The following ABHD18 variants were observed in gnomAD, a reference collection of about 807,000 sequenced individuals.
ABHD18 encodes cardiolipin-specific deacylase, mitochondrial.
ABHD18 carries 55 observed loss-of-function variants against 65.9 expected under a neutral mutation model. The ratio of observed to expected loss-of-function variants is 0.84; its 90% CI spans 0.67 to 1.05. ABHD18 has a LOEUF of 1.05. ABHD18 is among the 50% of genes least tolerant of loss of function. The probability of loss-of-function intolerance (pLI) is 0.00; values close to 1 mark genes in which losing one functional copy is unlikely to be tolerated. For synonymous variants in ABHD18, 181 were observed against 180.2 expected (o/e 1.00, Z -0.04); for missense variants, 533 against 558.5 (o/e 0.95, Z 0.46).
Position 128,034,682 on chromosome 4 carries a change from G to A in ABHD18, c.1344-1080G>A, listed in dbSNP as rs113783718. On this transcript the variant is annotated intron_variant, in intron 12 of 12. Transcript: ENST00000645843. Reference sequence around the variant, plus strand: ...TCTTTTTTTTTTGAAACAGAGTTTCGCTCTTGTTGCCCAGGTTGGAGTGCA... The same window carrying A: ...TCTTTTTTTTTTGAAACAGAGTTTCACTCTTGTTGCCCAGGTTGGAGTGCA... Among the ~76,000 whole-genome samples, 380 of 150,776 alleles carry A rather than the reference G, an allele frequency of 2.5e-3. 4 individuals carry two copies. The highest frequency in any genetic ancestry group is 8.2e-3 in the African/African-American group (335 of 41,020).
chr4:128,032,108 G>A (rs1394663873), intron 12 of ABHD18, among the ~76,000 whole-genome samples: 1 of 152,136 alleles, frequency 6.6e-6, no homozygotes, highest in Non-Finnish European at 1.5e-5. Flanking sequence ...TATAATCAAA[G>A]TCAAATATAA....
At chr4:128,019,494 C>T (rs908395190) in intron 8 of ABHD18, among the ~76,000 whole-genome samples, 4 of 152,212 alleles carry the variant, frequency 2.6e-5, no homozygotes, top group Admixed American at 2.6e-4. Flanking sequence ...TTTCATTCCT[C>T]TAGAAGACTC....
rs1314410383 is a variant in ABHD18, at chr4:128,037,993, CTG to C, written c.*2183_*2184del. On this transcript the variant is annotated 3_prime_UTR_variant, in exon 13 of 13. Coordinates refer to ENST00000645843, the MANE Select transcript of ABHD18 (RefSeq NM_001358451.3). ...GAGTTTTGTTTGAAATCTGTGTTGTCTGTGAATTATTTTTAAATAGGGATTCT... is the reference window on the plus strand; with the variant it reads ...GAGTTTTGTTTGAAATCTGTGTTGTCTGAATTATTTTTAAATAGGGATTCT... 1.3e-5 allele frequency: 2 copies of C among 152,020 alleles called. No individual in the cohort carries two copies. The highest frequency in any genetic ancestry group is 2.1e-4 in the South Asian group (1 of 4,836). 9.4% of individuals were successfully genotyped at this position (152,020 alleles called of 1,614,324 possible). A position where few individuals can be genotyped will look rare whatever the true frequency, so the allele number is the denominator to read the frequency against.
At position 128,017,390 on chromosome 4, in the gene ABHD18, C is replaced by T. The variant is rs781096548; in HGVS notation, c.498C>T (p.Asp166=). The change falls in exon 8 of 13, where the codon GAC becomes GAT. Residue 166 remains aspartate (D), a synonymous_variant. Coordinates refer to ENST00000645843, the MANE Select transcript of ABHD18 (RefSeq NM_001358451.3). ...GGTCCAGCTTAAAAAATGTGTCCGA[C>T]CTTTTTGTGATGGGAGGAGCTCTTG... ...QVRSSLKNVS[D]LFVMGGALVL... 3.1e-6 allele frequency: 5 copies of T among 1,613,782 alleles called. No individual in the cohort carries two copies. The South Asian group carries it at 5.5e-5, about 18-fold the overall frequency.
Position 127,989,751 on chromosome 4 carries a change from G to T in ABHD18, c.208G>T (p.Asp70Tyr). ...AGAGCAATCAGATTGTAAGATCTTA[G>T]ATGGACACTTTGTTTCCCCCATGGC... ...IEEQSDCKILDGHFVSPMAHY... is the reference protein window; with the variant it reads ...IEEQSDCKILYGHFVSPMAHY... Residue 70 changes from aspartate (D) to tyrosine (Y), a missense_variant, in exon 4 of 13, where the codon GAT becomes TAT. Asp to Tyr is a radical substitution (Grantham distance 160). Coordinates refer to ENST00000645843, the MANE Select transcript of ABHD18 (RefSeq NM_001358451.3). 6.2e-7 allele frequency: 1 copy of T among 1,601,138 alleles called. No individual in the cohort carries two copies. Among genetic ancestry groups the T allele is most frequent in the South Asian group, 1.1e-5 (1 of 88,276 alleles).
At chr4:127,977,004 G>A (rs1748054886) in intron 1 of ABHD18, among the ~76,000 whole-genome samples, 1 of 151,796 alleles carries the variant, frequency 6.6e-6, no homozygotes, top group Admixed American at 6.6e-5. Flanking sequence ...TCGTGCTACT[G>A]CACTCCAGCC....
chr4:128,026,342 C>T (rs1447271587), intron 10 of ABHD18, among the ~76,000 whole-genome samples: 5 of 151,770 alleles, frequency 3.3e-5, no homozygotes, highest in Non-Finnish European at 7.4e-5. Context: ...GCCTGTAGTC[C>T]CAGCTACTCA....
chr4:128,003,324 C>T (rs940980448), intron 4 of ABHD18, among the ~76,000 whole-genome samples: 8 of 150,618 alleles, frequency 5.3e-5, no homozygotes, highest in East Asian at 2.0e-4. Context: ...GCCGAGATCG[C>T]GCCACTGTAC....
At chr4:128,028,420 C>A in intron 10 of ABHD18, 55 bp from the exon 11 acceptor site, 1 of 1,265,044 alleles carries the variant, frequency 7.9e-7, no homozygotes, top group Non-Finnish European at 1.0e-6. Flanking sequence ...TTTGACAAAG[C>A]TGTTAATACC....
At chr4:127,999,426 A>T (rs761042954) in intron 4 of ABHD18, among the ~76,000 whole-genome samples, 17 of 152,200 alleles carry the variant, frequency 1.1e-4, no homozygotes, top group Non-Finnish European at 2.4e-4. Flanking sequence ...AAACAAAACA[A>T]TGACAACATA....
chr4:128,033,592 G>A (rs961033471), intron 12 of ABHD18, among the ~76,000 whole-genome samples: 4 of 147,802 alleles, frequency 2.7e-5, no homozygotes, highest in Non-Finnish European at 4.4e-5. Flanking sequence ...CTGGAGTGCG[G>A]TGGCATGATC....
Position 128,031,512 on chromosome 4 carries a change from TC to T in ABHD18, c.1343+841del, listed in dbSNP as rs1226057615. 2.0e-5 allele frequency among the ~76,000 whole-genome samples: 3 copies of T among 152,318 alleles called. No homozygotes were observed. The East Asian group carries it at 5.8e-4, about 29-fold the overall frequency. On this transcript the variant is annotated intron_variant, in intron 12 of 12. Transcript: ENST00000645843. ...TGCTAAAACTATAATTTTCTGGTAT[TC>T]TGCATTATTGAAACATATTCCTCAT...
chr4:128,001,666 A>G, intron 4 of ABHD18: 1 of 1,518,980 alleles, frequency 6.6e-7, no homozygotes, highest in South Asian at 1.3e-5. Context: ...GTTCAAAATA[A>G]CTTCCTTCAG....
intron 4 of ABHD18, among the ~76,000 whole-genome samples, chr4:127,994,291 A>C (rs555621629): frequency 6.6e-6 from 1 of 152,318 alleles, no homozygotes; most frequent in East Asian, 1.9e-4. Context: ...ATGAATTATA[A>C]TATTTTAAAA....
Position 128,001,841 on chromosome 4 carries a change from G to T in ABHD18, c.279-7079G>T, listed in dbSNP as rs201351513. ...GTGGTTAGATGTTGAGTTTTGTTTT[G>T]TTTTGTTTTTTTTTTTAATTCCTTG... On this transcript the variant is annotated intron_variant, in intron 4 of 12. Transcript: ENST00000645843. 1.1e-3 allele frequency: 1,305 copies of T among 1,242,094 alleles called. 7 individuals carry two copies. The East Asian group carries it at 0.012, about 11-fold the overall frequency. 76.9% of individuals were successfully genotyped at this position (1,242,094 alleles called of 1,614,324 possible). A position where few individuals can be genotyped will look rare whatever the true frequency, so the allele number is the denominator to read the frequency against.
chr4:127,987,788 G>A (rs188661406), intron 3 of ABHD18, among the ~76,000 whole-genome samples: 7 of 149,580 alleles, frequency 4.7e-5, no homozygotes, highest in Admixed American at 1.3e-4. Flanking sequence ...AAATTGGAAC[G>A]TTTTTTTGGA....
rs78751363 is a variant in ABHD18 at position 127,989,150 on chromosome 4, G to A, written c.178-571G>A. ...CATGGGTGGAACTGAAGGACATCGC[G>A]TTAAGTAAAATAAGCCAGGCACAGA... On this transcript the variant is annotated intron_variant, in intron 3 of 12. Coordinates refer to ENST00000645843, the MANE Select transcript of ABHD18 (RefSeq NM_001358451.3). Among the ~76,000 whole-genome samples the A allele has an allele frequency of 6.3e-3, 954 of 152,274 alleles. 18 individuals carry two copies. Among genetic ancestry groups the A allele is most frequent in the African/African-American group, 0.022 (897 of 41,544 alleles).
intron 2 of ABHD18, among the ~76,000 whole-genome samples, chr4:127,984,044 A>C (rs76804977): frequency 1.0e-5 from 1 of 95,592 alleles, no homozygotes; most frequent in Non-Finnish European, 2.5e-5. Context: ...CTCAAGGGGG[A>C]AAAAAAAAAA....
At chr4:127,999,552 G>C (rs1353549998) in intron 4 of ABHD18, among the ~76,000 whole-genome samples, 1 of 152,124 alleles carries the variant, frequency 6.6e-6, no homozygotes, top group Non-Finnish European at 1.5e-5. Context: ...TACCTATCAG[G>C]TACTATGCTC....
Sources: gnomAD v4.1 joint callset for allele counts (sites outside exome capture counted in the v4.1 genomes callset) on GRCh38, gnomAD v4.1.1 for gene constraint, MANE v1.5 for transcripts, NCBI Gene and HGNC (gene_info 2026-07-23, HGNC 2026-07-21) for gene names.